BRINP1: variants seen among roughly 807,000 people sequenced by gnomAD.
BRINP1 encodes BMP/retinoic acid-inducible neural-specific protein 1.
In BRINP1, 17 loss-of-function variants were observed where a neutral mutation model predicts 72.9. The ratio of observed to expected loss-of-function variants is 0.23; its 90% CI spans 0.16 to 0.35. The LOEUF (loss-of-function observed/expected upper bound fraction) is 0.35. Among genes scored for constraint, BRINP1 ranks in the 10% least tolerant of loss-of-function variants. The probability of loss-of-function intolerance (pLI) is 1.00; values close to 1 mark genes in which losing one functional copy is unlikely to be tolerated. For missense variants in BRINP1, 850 were observed against 1,001.6 expected (o/e 0.85, Z 2.04); for synonymous variants, 418 against 378.5 (o/e 1.10, Z -1.21).
chr9:119,349,093 A>T (rs1831477360), intron 1 of BRINP1, among the ~76,000 whole-genome samples: 1 of 152,174 alleles, frequency 6.6e-6, no homozygotes, highest in African/African-American at 2.4e-5. Flanking sequence ...CCTCTCACAC[A>T]AAAATATAGT....
At chr9:119,172,806 C>T (rs1286535839) in intron 7 of BRINP1, among the ~76,000 whole-genome samples, 2 of 151,772 alleles carry the variant, frequency 1.3e-5, no homozygotes, top group Admixed American at 6.6e-5. Flanking sequence ...CTTCATCCCT[C>T]AGATGCAAGG....
intron 6 of BRINP1, among the ~76,000 whole-genome samples, chr9:119,212,434 C>A (rs1052030646): frequency 5.3e-5 from 8 of 152,158 alleles, no homozygotes; most frequent in Non-Finnish European, 7.3e-5. Flanking sequence ...GATGAGGGAA[C>A]CTCAGGCCTG....
intron 2 of BRINP1, among the ~76,000 whole-genome samples, chr9:119,289,682 T>C (rs1314144653): frequency 6.6e-6 from 1 of 152,230 alleles, no homozygotes; most frequent in Non-Finnish European, 1.5e-5. Flanking sequence ...GATAGCATTT[T>C]AAGCATACTG....
At chr9:119,287,664 A>G (rs1394697790) in intron 2 of BRINP1, among the ~76,000 whole-genome samples, 2 of 152,244 alleles carry the variant, frequency 1.3e-5, no homozygotes, top group East Asian at 1.9e-4. Context: ...CTACAACGCC[A>G]TCTGAGTGGT....
intron 6 of BRINP1, among the ~76,000 whole-genome samples, chr9:119,212,567 G>A (rs1829940060): frequency 6.6e-6 from 1 of 152,192 alleles, no homozygotes; most frequent in Non-Finnish European, 1.5e-5. Context: ...GGGTCTTGCA[G>A]GAGGATTATA....
intron 5 of BRINP1, among the ~76,000 whole-genome samples, chr9:119,217,460 G>T (rs1829989955): frequency 6.6e-6 from 1 of 152,124 alleles, no homozygotes; most frequent in Non-Finnish European, 1.5e-5. Context: ...GGCAATAGTT[G>T]AGAGTTTTAT....
intron 7 of BRINP1, among the ~76,000 whole-genome samples, chr9:119,196,858 C>A (rs891378088): frequency 6.6e-6 from 1 of 152,262 alleles, no homozygotes; most frequent in Admixed American, 6.5e-5. Context: ...AAAATTAATC[C>A]CACACTCTAT....
chr9:119,242,237 G>A, intron 3 of BRINP1, 21 bp from the exon 4 acceptor site: 6 of 1,610,812 alleles, frequency 3.7e-6, no homozygotes, highest in Non-Finnish European at 5.1e-6. Flanking sequence ...AAGAAAAGTA[G>A]ATAAGAAGGT....
intron 1 of BRINP1, among the ~76,000 whole-genome samples, chr9:119,337,792 A>G (rs1831362423): frequency 6.6e-6 from 1 of 152,206 alleles, no homozygotes. Context: ...TCTTCTAGGA[A>G]GTTTTTCCTG....
intron 1 of BRINP1, among the ~76,000 whole-genome samples, chr9:119,333,020 A>G (rs976395367): frequency 2.6e-5 from 4 of 152,142 alleles, no homozygotes; most frequent in African/African-American, 9.7e-5. Context: ...AGTAAGAGCC[A>G]AAGTTGGGAT....
chr9:119,168,156 G>T lies in BRINP1; in HGVS notation c.1214C>A (p.Thr405Asn), dbSNP rs1304120605. ...GCAGCTCCGCTGGCTCTCCAGGAAGGTTCCCCAAAACCCATTCTCATTACA... is the reference window on the plus strand; with the variant it reads ...GCAGCTCCGCTGGCTCTCCAGGAAGTTTCCCCAAAACCCATTCTCATTACA... ...LYCNENGFWG[T>N]FLESQRSCVC... is the part of the protein sequence containing the mutation. The change falls in exon 8 of 8, where the codon ACC becomes AAC. Residue 405 changes from threonine (T) to asparagine (N), a missense_variant. Thr to Asn is a moderately conservative substitution (Grantham distance 65). Transcript: ENST00000265922. The T allele has an allele frequency of 7.6e-6, 12 of 1,586,726 alleles. No homozygotes were observed. The highest frequency in any genetic ancestry group is 9.4e-6 in the Non-Finnish European group (11 of 1,164,642).
chr9:119,286,192 C>T (rs966493319), intron 2 of BRINP1, among the ~76,000 whole-genome samples: 1 of 152,088 alleles, frequency 6.6e-6, no homozygotes, highest in Admixed American at 6.6e-5. Flanking sequence ...AATATATGAT[C>T]TGCATAGCTG....
At chr9:119,309,377 C>T (rs1831036469) in intron 2 of BRINP1, among the ~76,000 whole-genome samples, 1 of 152,126 alleles carries the variant, frequency 6.6e-6, no homozygotes, top group Admixed American at 6.6e-5. Flanking sequence ...GTCCCACAGA[C>T]CAGCTTTTGA....
At chr9:119,314,013 A>C (rs1313186768) in intron 1 of BRINP1, among the ~76,000 whole-genome samples, 1 of 152,216 alleles carries the variant, frequency 6.6e-6, no homozygotes, top group African/African-American at 2.4e-5. Context: ...GATTATCATG[A>C]CTATCTAGGT....
At chr9:119,336,101 G>C (rs557593378) in intron 1 of BRINP1, among the ~76,000 whole-genome samples, 2 of 152,310 alleles carry the variant, frequency 1.3e-5, no homozygotes, top group East Asian at 3.9e-4. Flanking sequence ...GTCAGGTATA[G>C]ATTGAAAAGA....
Position 119,345,644 on chromosome 9 carries a change from T to C in BRINP1, c.-51+23412A>G, listed in dbSNP as rs540936191. On this transcript the variant is annotated intron_variant, in intron 1 of 7. Coordinates refer to ENST00000265922, the MANE Select transcript of BRINP1 (RefSeq NM_014618.3). ...CTAAAGTTGTACCATTAGTTCTAAT[T>C]AGGTTTATACTAGAAGGTTAAGTGA... Among the ~76,000 whole-genome samples, 184 of 152,284 alleles carry C rather than the reference T, an allele frequency of 1.2e-3. 3 individuals are homozygous for C. The South Asian group carries it at 0.037, about 31-fold the overall frequency.
At chr9:119,269,792 A>G (rs1489681305) in intron 2 of BRINP1, among the ~76,000 whole-genome samples, 4 of 152,158 alleles carry the variant, frequency 2.6e-5, no homozygotes, top group Non-Finnish European at 5.9e-5. Context: ...TCATTCATTC[A>G]GGCACACATT....
intron 5 of BRINP1, among the ~76,000 whole-genome samples, chr9:119,219,127 G>C (rs1830013417): frequency 6.6e-6 from 1 of 152,040 alleles, no homozygotes; most frequent in African/African-American, 2.4e-5. Flanking sequence ...CCAGCATCCA[G>C]ACCTGTGACA....
chr9:119,290,380 A>ATTC (rs1466286129), intron 2 of BRINP1, among the ~76,000 whole-genome samples: 1 of 152,232 alleles, frequency 6.6e-6, no homozygotes, highest in Non-Finnish European at 1.5e-5. Context: ...AATTATTATT[A>ATTC]TTATTCTTGA....
Sources: gnomAD v4.1 joint callset for allele counts (sites outside exome capture counted in the v4.1 genomes callset) on GRCh38, gnomAD v4.1.1 for gene constraint, MANE v1.5 for transcripts, NCBI Gene and HGNC (gene_info 2026-07-23, HGNC 2026-07-21) for gene names.